Variants in PCDHGB3 observed in about 807,000 individuals in gnomAD.
PCDHGB3 encodes the protein protocadherin gamma subfamily B, 3, also known as protocadherin gamma-B3.
In PCDHGB3, 40 loss-of-function variants were observed where a neutral mutation model predicts 59.2. That is an observed-to-expected ratio of 0.68 (90% CI 0.52 to 0.88). PCDHGB3 has a LOEUF of 0.88. Ranked by LOEUF, PCDHGB3 falls within the 40% of genes least tolerant of loss-of-function variation. The pLI, the probability that PCDHGB3 is intolerant of heterozygous loss-of-function variation, is 0.00. For missense variants in PCDHGB3, 1,309 were observed against 1,187.9 expected (o/e 1.10, Z -1.50); for synonymous variants, 581 against 503.6 (o/e 1.15, Z -2.06).
chr5:141,488,437 C>A (rs1327345486), intron 1 of PCDHGB3, among the ~76,000 whole-genome samples: 2 of 152,210 alleles, frequency 1.3e-5, no homozygotes, highest in Non-Finnish European at 2.9e-5. Context: ...CCTCTGACCA[C>A]CCTCCTGGGT....
At chr5:141,410,191 C>G in intron 1 of PCDHGB3, 2 of 1,613,994 alleles carry the variant, frequency 1.2e-6, no homozygotes, top group Non-Finnish European at 1.7e-6. Context: ...TTCATCTGGT[C>G]TTCGCAGACA....
intron 1 of PCDHGB3, among the ~76,000 whole-genome samples, chr5:141,450,547 C>T (rs182695399): frequency 3.4e-4 from 51 of 150,496 alleles, no homozygotes; most frequent in African/African-American, 1.0e-3. Context: ...AATGCAGTGG[C>T]GCAGTCTCGG....
rs1772581943 is a variant in PCDHGB3, at chr5:141,376,341, A to G, written c.2415+3532A>G. 2 of 1,614,152 alleles carry G rather than the reference A, an allele frequency of 1.2e-6. No individual in the cohort carries two copies. The highest frequency in any genetic ancestry group is 1.7e-6 in the Non-Finnish European group (2 of 1,180,032). Reference sequence around the variant, plus strand: ...GGGGTTCGGGCTTTCCTGCAGACCTATTCCCACGAGGTCTCACTCACTGCA... The same window carrying G: ...GGGGTTCGGGCTTTCCTGCAGACCTGTTCCCACGAGGTCTCACTCACTGCA... On this transcript the variant is annotated intron_variant, in intron 1 of 3. Coordinates refer to ENST00000576222, the MANE Select transcript of PCDHGB3 (RefSeq NM_018924.5).
chr5:141,473,850 G>A (rs1490458424), intron 1 of PCDHGB3, among the ~76,000 whole-genome samples: 1 of 152,184 alleles, frequency 6.6e-6, no homozygotes, highest in African/African-American at 2.4e-5. Flanking sequence ...TTAGGAAGAT[G>A]AACCTCGCTA....
intron 1 of PCDHGB3, among the ~76,000 whole-genome samples, chr5:141,381,770 A>G (rs1309418172): frequency 1.3e-5 from 2 of 151,484 alleles, no homozygotes; most frequent in Non-Finnish European, 2.9e-5. Flanking sequence ...TATATAATCA[A>G]TAATCAGGAA....
Position 141,476,340 on chromosome 5 carries a change from G to A in PCDHGB3, c.2416-18467G>A, listed in dbSNP as rs760616287. The A allele has an allele frequency of 2.2e-5, 36 of 1,614,068 alleles. No homozygotes were observed. In the Admixed American group the frequency reaches 2.5e-4, roughly 11 times the overall value. On this transcript the variant is annotated intron_variant, in intron 1 of 3. Transcript: ENST00000576222. The surrounding 1 kb of genome is among the most constrained non-coding windows in gnomAD (Gnocchi z 7.6). The stretch of plus-strand genomic sequence containing the variant: ...CGGGTGGTGTCTGGAGCTAGCCGAA[G>A]ATTCTTTGAGGTGAACCGGGAGACC...
intron 1 of PCDHGB3, chr5:141,419,831 G>C: frequency 1.9e-6 from 3 of 1,614,048 alleles, no homozygotes; most frequent in Non-Finnish European, 2.5e-6. Context: ...TTCAGCCACT[G>C]CCACGCTGCA....
chr5:141,421,924 G>A, intron 1 of PCDHGB3: 1 of 1,613,564 alleles, frequency 6.2e-7, no homozygotes, highest in South Asian at 1.1e-5. Context: ...TCGTGTGGTG[G>A]TCCTCGATGT....
Position 141,370,459 on chromosome 5 carries a change from T to G in PCDHGB3, c.65T>G (p.Leu22Arg). The G allele has an allele frequency of 1.2e-6, 2 of 1,612,272 alleles. No homozygotes were observed. Among genetic ancestry groups the G allele is most frequent in the Admixed American group, 3.3e-5 (2 of 59,760 alleles). ...AGGCGAATGCTATTTCTCTTCCTGCTCTCTTTGTTAGACCAGGCTCTCTCC... is the reference window on the plus strand; with the variant it reads ...AGGCGAATGCTATTTCTCTTCCTGCGCTCTTTGTTAGACCAGGCTCTCTCC... ...GQRRMLFLFL[L>R]SLLDQALSEP... Residue 22 changes from leucine to arginine, a missense_variant, in exon 1 of 4, where the codon CTC becomes CGC. Coordinates refer to ENST00000576222, the MANE Select transcript of PCDHGB3 (RefSeq NM_018924.5).
chr5:141,375,844 G>A (rs1771971426), intron 1 of PCDHGB3: 2 of 1,614,082 alleles, frequency 1.2e-6, no homozygotes, highest in Non-Finnish European at 8.5e-7. Context: ...CCGGCTACCT[G>A]GTGACCAAGG....
intron 1 of PCDHGB3, chr5:141,384,604 A>G (rs762562769): frequency 3.1e-6 from 5 of 1,613,896 alleles, no homozygotes; most frequent in South Asian, 2.2e-5. Context: ...GGCCCTCCCC[A>G]CAGATGGTTC....
intron 1 of PCDHGB3, chr5:141,421,579 T>G (rs753573473): frequency 1.9e-6 from 3 of 1,613,816 alleles, no homozygotes; most frequent in Non-Finnish European, 2.5e-6. Context: ...CTTGAAGATT[T>G]ACGGAGTGGA....
At chr5:141,430,680 C>T (rs990086941) in intron 1 of PCDHGB3, 1 of 1,343,242 alleles carries the variant, frequency 7.4e-7, no homozygotes, top group Non-Finnish European at 1.0e-6. Flanking sequence ...TCCCAACTGT[C>T]CCATTCTATG....
At chr5:141,421,283 T>G (rs2096560959) in intron 1 of PCDHGB3, 4 of 1,612,952 alleles carry the variant, frequency 2.5e-6, no homozygotes, top group Non-Finnish European at 3.4e-6. Flanking sequence ...CTGCTGTGCA[T>G]TTTCCTGGGG....
At chr5:141,508,440 T>C (rs2099868879) in intron 3 of PCDHGB3, among the ~76,000 whole-genome samples, 1 of 152,186 alleles carries the variant, frequency 6.6e-6, no homozygotes, top group African/African-American at 2.4e-5. Context: ...CACAGTTCCT[T>C]AGTGGCAGAG....
At chr5:141,420,403 G>T in intron 1 of PCDHGB3, 3 of 1,246,014 alleles carry the variant, frequency 2.4e-6, no homozygotes, top group East Asian at 2.8e-5. Context: ...TCAAATTTAT[G>T]GTTATCATTA....
Position 141,370,837 on chromosome 5 carries a change from C to T in PCDHGB3, c.443C>T (p.Thr148Ile). 6.2e-7 allele frequency: 1 copy of T among 1,614,004 alleles called. No individual in the cohort carries two copies. Among genetic ancestry groups the T allele is most frequent in the Non-Finnish European group, 8.5e-7 (1 of 1,179,844 alleles). Residue 148 changes from threonine (T) to isoleucine (I), a missense_variant, in exon 1 of 4, where the codon ACT becomes ATT. Physicochemically the swap from Thr to Ile is moderately conservative, Grantham distance 89. Coordinates refer to ENST00000576222, the MANE Select transcript of PCDHGB3 (RefSeq NM_018924.5). ...TELEISELAL[T>I]GATFALESAQ... ...CTGGAAATCAGCGAACTGGCTCTCACTGGAGCCACATTTGCCCTGGAATCT... is the reference window on the plus strand; with the variant it reads ...CTGGAAATCAGCGAACTGGCTCTCATTGGAGCCACATTTGCCCTGGAATCT...
chr5:141,511,373 G>T lies in PCDHGB3; in HGVS notation c.*200G>T. On this transcript the variant is annotated 3_prime_UTR_variant, in exon 4 of 4. Transcript: ENST00000576222. ...CCCCCAGGGGGTTGAATATGCAAAA[G>T]CAGTTCCGCTGGGAACCCCCATCCA... 8.0e-7 allele frequency: 1 copy of T among 1,251,332 alleles called. No homozygotes were observed. The highest frequency in any genetic ancestry group is 1.6e-5 in the South Asian group (1 of 63,796). The allele number at this position is 1,251,332 out of a possible 1,614,324, so 77.5% of individuals were successfully genotyped here.
At chr5:141,387,479 A>C (rs2090961106) in intron 1 of PCDHGB3, among the ~76,000 whole-genome samples, 1 of 152,258 alleles carries the variant, frequency 6.6e-6, no homozygotes, top group Non-Finnish European at 1.5e-5. Context: ...AGTTGGGATG[A>C]AGGCATTCCT....
Sources: allele counts gnomAD v4.1 joint callset (sites outside exome capture counted in the v4.1 genomes callset), GRCh38; gene constraint gnomAD v4.1.1; non-coding constraint Gnocchi (gnomAD v3.1); transcripts MANE v1.5; gene names NCBI Gene and HGNC (gene_info 2026-07-23, HGNC 2026-07-21).